The following SRI variants were observed in gnomAD, a reference collection of about 807,000 sequenced individuals.
SRI encodes the protein sorcin, also known as 22 kDa protein.
Under a neutral mutation model 33.3 loss-of-function variants are expected in SRI, and 30 were observed. The observed-to-expected ratio is 0.90, with a 90% CI of 0.67 to 1.22. The LOEUF is 1.22. Among genes scored for constraint, SRI ranks in the 50% most tolerant of loss-of-function variants. The pLI is 0.00. For missense variants in SRI, 243 were observed against 250.8 expected, an observed-to-expected ratio of 0.97 and a Z score of 0.21; for synonymous variants, 75 against 89.9, an observed-to-expected ratio of 0.83 and a Z score of 0.94.
chr7:88,214,015 G>C (rs1486553610), intron 3 of SRI, among the ~76,000 whole-genome samples: 2 of 152,174 alleles, frequency 1.3e-5, no homozygotes, highest in Non-Finnish European at 2.9e-5. Context: ...CTAGCTGACA[G>C]TCTAAGGAAA....
upstream of SRI, among the ~76,000 whole-genome samples, chr7:88,222,738 A>C (rs1237111225): frequency 1.3e-5 from 2 of 152,220 alleles, no homozygotes; most frequent in African/African-American, 4.8e-5. Flanking sequence ...TGACAAAAAG[A>C]AGAAATGGGG....
chr7:88,223,583 GATAA>G (rs1851936599), upstream of SRI, among the ~76,000 whole-genome samples: 1 of 152,166 alleles, frequency 6.6e-6, no homozygotes, highest in Non-Finnish European at 1.5e-5. Flanking sequence ...ATAGACAATA[GATAA>G]ATGAATGGAT....
chr7:88,215,913 T>C (rs1389418640), intron 3 of SRI, among the ~76,000 whole-genome samples: 2 of 152,242 alleles, frequency 1.3e-5, no homozygotes, highest in African/African-American at 2.4e-5. Flanking sequence ...AAATCTATCA[T>C]GTTCAAGATC....
At position 88,218,878 on chromosome 7, in the gene SRI, A is replaced by C; in HGVS notation, c.116T>G (p.Phe39Cys). ...GQTQDPLYGY[F>C]AAVAGQDGQI... ...GCTAACCTGTCCAGCTACAGCAGCAAAGTAACCATACAGCGGATCCTGAGT... is the reference window on the plus strand; with the variant it reads ...GCTAACCTGTCCAGCTACAGCAGCACAGTAACCATACAGCGGATCCTGAGT... The change falls in exon 2 of 8, where the codon TTT (phenylalanine) becomes TGT (cysteine). Residue 39 changes from phenylalanine to cysteine, a missense_variant. Phe to Cys is a radical substitution (Grantham distance 205). Coordinates refer to ENST00000265729, the MANE Select transcript of SRI (RefSeq NM_003130.4). 2 of 1,614,142 alleles carry C rather than the reference A, an allele frequency of 1.2e-6. No homozygotes were observed. The highest frequency in any genetic ancestry group is 8.5e-7 in the Non-Finnish European group (1 of 1,180,000).
Position 88,205,790 on chromosome 7 carries a change from C to T in SRI, c.*688G>A, listed in dbSNP as rs774412905. On this transcript the variant is annotated 3_prime_UTR_variant, in exon 8 of 8. Transcript: ENST00000265729. ...AGAAAATTAAAGTCATCTAGAATTC[C>T]ATTCATCCAAAATAAACATTGTTAA... The T allele has an allele frequency of 7.2e-5, 11 of 152,228 alleles. No homozygotes were observed. Among genetic ancestry groups the T allele is most frequent in the Non-Finnish European group, 1.6e-4 (11 of 68,002 alleles). 9.4% of individuals were successfully genotyped at this position (152,228 alleles called of 1,614,324 possible).
exon 1 of SRI, chr7:88,226,963 C>T: frequency 1.2e-6 from 2 of 1,612,558 alleles, no homozygotes; most frequent in Non-Finnish European, 1.7e-6. Flanking sequence ...TAGAGGATTG[C>T]CTTCTTGCAG....
intron 3 of SRI, among the ~76,000 whole-genome samples, chr7:88,212,411 T>C (rs906638777): frequency 6.6e-6 from 1 of 152,216 alleles, no homozygotes; most frequent in African/African-American, 2.4e-5. Context: ...ATGAAGTCCC[T>C]CTAATCTGGA....
intron 7 of SRI, among the ~76,000 whole-genome samples, chr7:88,207,263 C>A (rs1851456243): frequency 6.6e-6 from 1 of 152,188 alleles, no homozygotes; most frequent in Non-Finnish European, 1.5e-5. Context: ...GTCTTTCTTT[C>A]CATTCCCCAG....
chr7:88,213,730 A>G (rs750688403), intron 3 of SRI, among the ~76,000 whole-genome samples: 4 of 152,218 alleles, frequency 2.6e-5, no homozygotes, highest in Non-Finnish European at 1.5e-5. Flanking sequence ...ACCCCCACGC[A>G]GGAAGCTGTA....
At chr7:88,219,832 C>T in intron 1 of SRI, 144 bp downstream of exon 1, 1 of 1,021,152 alleles carries the variant, frequency 9.8e-7, no homozygotes, top group Non-Finnish European at 1.4e-6. Context: ...AGGGCGAGGC[C>T]GCGAGCGCAG....
At chr7:88,223,276 T>C (rs1040035253), upstream of SRI, among the ~76,000 whole-genome samples, 1 of 152,180 alleles carries the variant, frequency 6.6e-6, no homozygotes, top group Non-Finnish European at 1.5e-5. Context: ...GCATTTTACT[T>C]ATTTGCTTAA....
upstream of SRI, among the ~76,000 whole-genome samples, chr7:88,222,348 T>C (rs1213991761): frequency 1.4e-5 from 2 of 144,682 alleles, no homozygotes; most frequent in Non-Finnish European, 3.0e-5. Context: ...CTCCAGCACC[T>C]GTTGTTTCCT....
rs148940168 is a variant in SRI, at chr7:88,218,509, T to G, written c.135+350A>C. ...GCAATCAAGTTCAACCCAAAGAAAGTGCCCATTAGAATCGAGCTATGTAAT... is the reference window on the plus strand; with the variant it reads ...GCAATCAAGTTCAACCCAAAGAAAGGGCCCATTAGAATCGAGCTATGTAAT... On this transcript the variant is annotated intron_variant, in intron 2 of 7. Coordinates refer to ENST00000265729, the MANE Select transcript of SRI (RefSeq NM_003130.4). Among the ~76,000 whole-genome samples the G allele has an allele frequency of 2.1e-4, 32 of 152,368 alleles. 1 individual carries two copies. The East Asian group carries it at 6.0e-3, about 28-fold the overall frequency.
At chr7:88,222,288 G>GT (rs1334233669), upstream of SRI, among the ~76,000 whole-genome samples, 1 of 149,384 alleles carries the variant, frequency 6.7e-6, no homozygotes, top group Non-Finnish European at 1.5e-5. Context: ...GGTTGAACTA[G>GT]TTTACAGTCC....
intron 3 of SRI, among the ~76,000 whole-genome samples, chr7:88,215,579 T>G (rs1404114755): frequency 6.6e-6 from 1 of 152,228 alleles, no homozygotes; most frequent in Non-Finnish European, 1.5e-5. Flanking sequence ...TGTTTAGGAC[T>G]AGATTAAATA....
rs1015506450 is a variant in SRI at position 88,216,491 on chromosome 7, G to A, written c.205+631C>T. The stretch of plus-strand genomic sequence containing the variant: ...TTATGTTAGCAGGAGCATGCCCAAA[G>A]CTCAGAGACCAGGAGTGCAGGATAG... On this transcript the variant is annotated intron_variant, in intron 3 of 7. Coordinates refer to ENST00000265729, the MANE Select transcript of SRI (RefSeq NM_003130.4). Among the ~76,000 whole-genome samples the A allele has an allele frequency of 5.9e-5, 9 of 152,308 alleles. No individual in the cohort carries two copies. The East Asian group carries it at 1.7e-3, about 29-fold the overall frequency.
chr7:88,217,877 T>C (rs1851772784), intron 2 of SRI, among the ~76,000 whole-genome samples: 1 of 152,228 alleles, frequency 6.6e-6, no homozygotes, highest in Non-Finnish European at 1.5e-5. Flanking sequence ...TCTTGAGGTT[T>C]GCCATGCCTT....
In SRI at chr7:88,209,369, C is replaced by T. The variant is rs1457132903; in HGVS notation, c.481G>A (p.Ala161Thr). The change falls in exon 6 of 8, where the codon GCC becomes ACC. Residue 161 changes from alanine to threonine, a missense_variant. By Grantham distance (58) the Ala-to-Thr change is moderately conservative. Coordinates refer to ENST00000265729, the MANE Select transcript of SRI (RefSeq NM_003130.4). ...NGKITFDDYI[A>T]CCVKLRALTD... Reference sequence around the variant, plus strand: ...AGAGCCCTCAGTTTGACGCAGCAGGCGATGTAGTCGTCGAAGGTGATCTTT... The same window carrying T: ...AGAGCCCTCAGTTTGACGCAGCAGGTGATGTAGTCGTCGAAGGTGATCTTT... 11 of 1,613,780 alleles carry T rather than the reference C, an allele frequency of 6.8e-6. No homozygotes were observed. The highest frequency in any genetic ancestry group is 5.3e-5 in the African/African-American group (4 of 74,894).
intron 3 of SRI, among the ~76,000 whole-genome samples, chr7:88,214,533 C>T (rs978950959): frequency 1.3e-5 from 2 of 152,070 alleles, no homozygotes; most frequent in Non-Finnish European, 1.5e-5. Context: ...TGAACTAGAA[C>T]GCTGATGTCC....
Sources: gnomAD v4.1 joint callset for allele counts (sites outside exome capture counted in the v4.1 genomes callset) on GRCh38, gnomAD v4.1.1 for gene constraint, MANE v1.5 for transcripts, NCBI Gene and HGNC (gene_info 2026-07-23, HGNC 2026-07-21) for gene names.